Variants in AGO2 observed in about 807,000 individuals in gnomAD.
AGO2 encodes protein argonaute-2.
In AGO2, 5 loss-of-function variants were observed where a neutral mutation model predicts 102.3. The ratio of observed to expected loss-of-function variants is 0.05; its 90% CI spans 0.03 to 0.10. AGO2 has a LOEUF of 0.10. AGO2 is among the 10% of genes least tolerant of loss of function. The pLI, the probability that AGO2 is intolerant of heterozygous loss-of-function variation, is 1.00. For synonymous variants in AGO2, 449 were observed against 473.1 expected, an observed-to-expected ratio of 0.95 and a Z score of 0.66; for missense variants, 541 against 1,183.7, an observed-to-expected ratio of 0.46 and a Z score of 7.97.
rs7846322 is a variant in AGO2, at chr8:140,567,161, T to G, written c.337-4527A>C. Among the ~76,000 whole-genome samples, 2,702 of 152,314 alleles carry G rather than the reference T, an allele frequency of 0.018. 54 individuals are homozygous for G. Among genetic ancestry groups the G allele is most frequent in the Middle Eastern group, 0.071 (21 of 294 alleles). On this transcript the variant is annotated intron_variant, in intron 3 of 18. Transcript: ENST00000220592. This position sits in a 1 kb window ranked among gnomAD's most constrained non-coding sequence, Gnocchi z 5.0. ...ATACATTCTAATTTGTAAATGTATT[T>G]CAGTCCAGCCTCCGCTTGGCCTGCA...
chr8:140,531,817 A>G lies in AGO2; in HGVS notation c.*227T>C. 1 of 464,782 alleles carries G rather than the reference A, an allele frequency of 2.2e-6. No homozygotes were observed. The highest frequency in any genetic ancestry group is 3.9e-6 in the Non-Finnish European group (1 of 256,726). 28.8% of individuals were successfully genotyped at this position (464,782 alleles called of 1,614,324 possible). ...TTTTAATAAGCAGCTTATAGATTTT[A>G]GCAAACCATATTTCCTATGACATTG... On this transcript the variant is annotated 3_prime_UTR_variant, in exon 19 of 19. Coordinates refer to ENST00000220592, the MANE Select transcript of AGO2 (RefSeq NM_012154.5).
At chr8:140,605,490 G>A (rs1327351625) in intron 1 of AGO2, among the ~76,000 whole-genome samples, 3 of 152,232 alleles carry the variant, frequency 2.0e-5, no homozygotes, top group South Asian at 2.1e-4. Flanking sequence ...GAACACAGAC[G>A]GGGGTGCAGG....
intron 17 of AGO2, 63 bp downstream of exon 17, chr8:140,535,405 C>G (rs1323837350): frequency 1.3e-6 from 2 of 1,543,738 alleles, no homozygotes; most frequent in East Asian, 4.5e-5. Context: ...CAAGTGTTTG[C>G]TGAATGTGGG....
At chr8:140,542,702 C>T (rs1223794871) in intron 14 of AGO2, among the ~76,000 whole-genome samples, 1 of 152,248 alleles carries the variant, frequency 6.6e-6, no homozygotes, top group Non-Finnish European at 1.5e-5. Context: ...AGGGCGCCAG[C>T]CCGCTGTGCT....
At chr8:140,599,607 C>G (rs1047967824) in intron 1 of AGO2, among the ~76,000 whole-genome samples, 1 of 152,192 alleles carries the variant, frequency 6.6e-6, no homozygotes, top group Non-Finnish European at 1.5e-5. Context: ...AAATTTCACA[C>G]GCTCACCCGG....
intron 1 of AGO2, among the ~76,000 whole-genome samples, chr8:140,591,093 G>A (rs1239517767): frequency 6.6e-6 from 1 of 152,244 alleles, no homozygotes; most frequent in Non-Finnish European, 1.5e-5. Flanking sequence ...GTGCAGCCCC[G>A]GGTGGGGGCA....
chr8:140,588,835 G>A (rs552058828), intron 1 of AGO2, among the ~76,000 whole-genome samples: 21 of 152,302 alleles, frequency 1.4e-4, no homozygotes, highest in Non-Finnish European at 2.8e-4. Flanking sequence ...GAGCGAGTTC[G>A]GAGGGCAAGG....
intron 4 of AGO2, among the ~76,000 whole-genome samples, chr8:140,561,362 C>T (rs2073199005): frequency 6.6e-6 from 1 of 152,286 alleles, no homozygotes; most frequent in South Asian, 2.1e-4. Context: ...CCCGCCTCTA[C>T]TGCTCTTCTT....
chr8:140,574,011 G>C (rs1036514274), intron 2 of AGO2, among the ~76,000 whole-genome samples: 1 of 152,204 alleles, frequency 6.6e-6, no homozygotes, highest in Non-Finnish European at 1.5e-5. Flanking sequence ...GATGCTTGCT[G>C]CTGGGAGAGA....
chr8:140,554,918 C>T (rs1406661524), intron 10 of AGO2, among the ~76,000 whole-genome samples: 1 of 152,100 alleles, frequency 6.6e-6, no homozygotes, highest in Non-Finnish European at 1.5e-5. Flanking sequence ...TCAAGCGATC[C>T]ACCCGTCTCA....
At chr8:140,606,099 G>T (rs1260693429) in intron 1 of AGO2, among the ~76,000 whole-genome samples, 4 of 152,150 alleles carry the variant, frequency 2.6e-5, no homozygotes, top group African/African-American at 9.7e-5. Flanking sequence ...ACTTAGAAAG[G>T]TCTACTATAA....
At chr8:140,542,542 AAC>A (rs1221994485) in intron 14 of AGO2, among the ~76,000 whole-genome samples, 2 of 152,136 alleles carry the variant, frequency 1.3e-5, no homozygotes, top group East Asian at 3.9e-4. Context: ...ATAGGGGATA[AAC>A]ACACAGATTT....
At chr8:140,559,318 T>G (rs551107419) in intron 6 of AGO2, 77 bp downstream of exon 6, 1 of 1,565,042 alleles carries the variant, frequency 6.4e-7, no homozygotes, top group African/African-American at 1.4e-5. Context: ...GAACCAGAAC[T>G]GCAAAATGCG....
At chr8:140,562,755 C>T in intron 3 of AGO2, 121 bp from the exon 4 acceptor site, 1 of 1,140,114 alleles carries the variant, frequency 8.8e-7, no homozygotes, top group Non-Finnish European at 1.2e-6. Context: ...AGGCCTCTAG[C>T]CAACCACTAG....
intron 1 of AGO2, among the ~76,000 whole-genome samples, chr8:140,590,492 G>A (rs975198644): frequency 6.6e-5 from 10 of 152,312 alleles, no homozygotes; most frequent in Middle Eastern, 3.4e-3. Flanking sequence ...AGGCACAGAT[G>A]GGGGTCCCAG....
intron 3 of AGO2, among the ~76,000 whole-genome samples, chr8:140,564,284 C>T (rs567770507): frequency 2.6e-4 from 18 of 68,252 alleles, no homozygotes; most frequent in South Asian, 5.2e-4. Context: ...ATCAGGACAG[C>T]GGAGGGGGTG....
intron 3 of AGO2, among the ~76,000 whole-genome samples, chr8:140,565,267 G>A (rs1489658012): frequency 6.6e-6 from 1 of 151,690 alleles, no homozygotes; most frequent in Non-Finnish European, 1.5e-5. Context: ...GTGAAATCCT[G>A]TCTCTACTAA....
chr8:140,598,793 C>T (rs1261772637), intron 1 of AGO2, among the ~76,000 whole-genome samples: 2 of 152,356 alleles, frequency 1.3e-5, no homozygotes, highest in African/African-American at 4.8e-5. Flanking sequence ...TGGCACAAGA[C>T]AATTGTACAG....
At position 140,532,159 on chromosome 8, in the gene AGO2, G is replaced by A; in HGVS notation, c.2472-7C>T. 1 of 1,611,456 alleles carries A rather than the reference G, an allele frequency of 6.2e-7. No individual in the cohort carries two copies. Among genetic ancestry groups the A allele is most frequent in the Non-Finnish European group, 8.5e-7 (1 of 1,177,846 alleles). On this transcript the variant is annotated splice_region_variant and splice_polypyrimidine_tract_variant and intron_variant, in intron 18 of 18. Coordinates refer to ENST00000220592, the MANE Select transcript of AGO2 (RefSeq NM_012154.5). ...GGTATGGCTTCCTTCAGCACTGCAG[G>A]GATGAGAGAGAGAGAGAATGAGAAT... is the stretch of plus-strand genomic sequence containing the variant.
Sources: gnomAD v4.1 joint callset for allele counts (sites outside exome capture counted in the v4.1 genomes callset) on GRCh38, gnomAD v4.1.1 for gene constraint, Gnocchi (gnomAD v3.1) non-coding constraint, MANE v1.5 for transcripts, NCBI Gene and HGNC (gene_info 2026-07-23, HGNC 2026-07-21) for gene names.